CLVS1: variants seen among roughly 807,000 people sequenced by gnomAD.
CLVS1 encodes the protein clavesin 1.
CLVS1 carries 10 observed loss-of-function variants against 33.1 expected under a neutral mutation model. That is an observed-to-expected ratio of 0.30 (90% CI 0.19 to 0.51). The LOEUF (loss-of-function observed/expected upper bound fraction) is 0.51. Ranked by LOEUF, CLVS1 falls within the 20% of genes least tolerant of loss-of-function variation. The pLI is 0.97. For synonymous variants in CLVS1, 163 were observed against 166.1 expected (o/e 0.98, Z 0.14); for missense variants, 343 against 433.4 (o/e 0.79, Z 1.85).
intron 1 of CLVS1, among the ~76,000 whole-genome samples, chr8:61,079,773 A>C (rs1804988477): frequency 1.4e-5 from 2 of 138,052 alleles, no homozygotes; most frequent in African/African-American, 5.7e-5. Flanking sequence ...AATTTATTTT[A>C]GCAAAAAGCC....
intron 1 of CLVS1, among the ~76,000 whole-genome samples, chr8:61,077,136 C>T (rs142273028): frequency 0.045 from 6,791 of 152,084 alleles, 524 homozygotes; most frequent in African/African-American, 0.15. Flanking sequence ...TGCAGTGGCG[C>T]GATCTCGGCT....
At chr8:60,977,004 T>C in the CLVS1 span, among the ~76,000 whole-genome samples, 4 of 152,262 alleles carry the variant, frequency 2.6e-5, no homozygotes, top group African/African-American at 9.6e-5. Context: ...CCTGCTAGTT[T>C]CACTCCTCCA....
intron 3 of CLVS1, among the ~76,000 whole-genome samples, chr8:61,381,071 C>T (rs762632981): frequency 3.3e-5 from 5 of 151,948 alleles, no homozygotes; most frequent in African/African-American, 4.8e-5. Context: ...GTTTTTTTCT[C>T]ATTTTCATGC....
chr8:61,232,023 G>GTTTTTTTTTTTTTTTT (rs1158042227), intron 2 of CLVS1, among the ~76,000 whole-genome samples: 1 of 62,628 alleles, frequency 1.6e-5, no homozygotes, highest in African/African-American at 4.7e-5. Flanking sequence ...GAAAGTTGTG[G>GTTTTTTTTTTTTTTTT]TTTTTTTTTT....
At chr8:61,447,227 G>A (rs935346844) in intron 3 of CLVS1, among the ~76,000 whole-genome samples, 1 of 151,958 alleles carries the variant, frequency 6.6e-6, no homozygotes, top group Non-Finnish European at 1.5e-5. Context: ...TCTTTTTCCA[G>A]TTCTACTAGC....
intron 2 of CLVS1, among the ~76,000 whole-genome samples, chr8:61,273,514 T>C (rs1459003652): frequency 6.6e-6 from 1 of 152,270 alleles, no homozygotes; most frequent in Non-Finnish European, 1.5e-5. Context: ...TGTGGTGGGC[T>C]CCGCCCAGTT....
At chr8:61,146,880 G>A (rs1806430032) in intron 2 of CLVS1, among the ~76,000 whole-genome samples, 1 of 152,208 alleles carries the variant, frequency 6.6e-6, no homozygotes, top group Non-Finnish European at 1.5e-5. Context: ...GGCATGGTGT[G>A]ATGTGAATTC....
intron 2 of CLVS1, among the ~76,000 whole-genome samples, chr8:61,158,483 C>A (rs1806691029): frequency 6.6e-6 from 1 of 152,060 alleles, no homozygotes; most frequent in Middle Eastern, 3.2e-3. Context: ...AAAATCACAG[C>A]CAAAAGAATG....
chr8:61,266,666 T>G (rs189604035), intron 2 of CLVS1, among the ~76,000 whole-genome samples: 1 of 152,336 alleles, frequency 6.6e-6, no homozygotes, highest in Non-Finnish European at 1.5e-5. Flanking sequence ...TTGAGATGAT[T>G]ACAGATCAGT....
At chr8:61,026,060 G>A in the CLVS1 span, among the ~76,000 whole-genome samples, 55 of 143,628 alleles carry the variant, frequency 3.8e-4, no homozygotes, top group African/African-American at 1.2e-3. Flanking sequence ...CAATTCACAT[G>A]TTGAAGTTCT....
At chr8:61,110,054 C>T (rs1315340833) in intron 1 of CLVS1, among the ~76,000 whole-genome samples, 4 of 152,216 alleles carry the variant, frequency 2.6e-5, no homozygotes, top group Middle Eastern at 3.2e-3. Flanking sequence ...TGGGCCTGTG[C>T]GCTGACTCCC....
chr8:61,030,555 G>T, the CLVS1 span, among the ~76,000 whole-genome samples: 3 of 152,192 alleles, frequency 2.0e-5, no homozygotes, highest in Non-Finnish European at 4.4e-5. Flanking sequence ...GCAAAGCTCA[G>T]TCTCCTTCAG....
rs1010756324 is a variant in CLVS1 at position 61,060,901 on chromosome 8, A to T, written c.-243+3671A>T. On this transcript the variant is annotated intron_variant, in intron 1 of 2. Transcript: ENST00000522621. ...ATTCCTACAAACTCTGCTGCCTTTC[A>T]TGGGAGCAGCTTCAGACTTGGACTA... 3.3e-5 allele frequency among the ~76,000 whole-genome samples: 5 copies of T among 152,192 alleles called. No homozygotes were observed. The East Asian group carries it at 9.6e-4, about 29-fold the overall frequency.
chr8:61,067,865 A>G (rs1053450980), intron 1 of CLVS1, among the ~76,000 whole-genome samples: 5 of 151,952 alleles, frequency 3.3e-5, no homozygotes, highest in Admixed American at 2.6e-4. Context: ...AAAACCAACT[A>G]TTGGGTACTA....
intron 1 of CLVS1, among the ~76,000 whole-genome samples, chr8:61,131,268 G>A (rs1283588923): frequency 6.6e-6 from 1 of 152,198 alleles, no homozygotes; most frequent in East Asian, 1.9e-4. Context: ...TGAGGAGAAT[G>A]GATTCAAGAC....
At chr8:61,090,178 A>G (rs1805209273) in intron 1 of CLVS1, among the ~76,000 whole-genome samples, 1 of 152,214 alleles carries the variant, frequency 6.6e-6, no homozygotes, top group African/African-American at 2.4e-5. Flanking sequence ...TTCAGATAAT[A>G]TCATGTCCTA....
chr8:61,321,489 T>A (rs906664686), intron 2 of CLVS1, among the ~76,000 whole-genome samples: 6 of 152,084 alleles, frequency 3.9e-5, no homozygotes, highest in Non-Finnish European at 8.8e-5. Flanking sequence ...CCACTGCATA[T>A]GCGTGGGAAT....
At chr8:61,059,475 C>CATACATACATAT (rs59538219) in intron 1 of CLVS1, among the ~76,000 whole-genome samples, 2 of 50,200 alleles carry the variant, frequency 4.0e-5, no homozygotes, top group East Asian at 1.2e-3. Context: ...TACATACATA[C>CATACATACATAT]ATATATATAT....
chr8:61,473,334 C>T lies in CLVS1; in HGVS notation c.977+14792C>T, dbSNP rs1264948743. ...TACAATTGATGACATCTGAAATTCA[C>T]GGAATTTAAAAAAAAAAAAAAAAAA... On this transcript the variant is annotated intron_variant, in intron 5 of 5. Transcript: ENST00000325897. Among the ~76,000 whole-genome samples the T allele has an allele frequency of 3.4e-5, 3 of 88,156 alleles. No individual in the cohort carries two copies. In the Admixed American group the frequency reaches 5.4e-4, roughly 16 times the overall value. The allele number at this position is 88,156 out of a possible 152,430, so 57.8% of individuals were successfully genotyped here. A position where few individuals can be genotyped will look rare whatever the true frequency, so the allele number is the denominator to read the frequency against.
Sources: allele counts gnomAD v4.1 joint callset (sites outside exome capture counted in the v4.1 genomes callset), GRCh38; gene constraint gnomAD v4.1.1; transcripts MANE v1.5; gene names NCBI Gene and HGNC (gene_info 2026-07-23, HGNC 2026-07-21).